SPATS2: variants seen among roughly 807,000 people sequenced by gnomAD.
The protein encoded by SPATS2 is spermatogenesis associated serine rich 2, also known as spermatogenesis-associated serine-rich protein 2.
SPATS2 carries 38 observed loss-of-function variants against 63.7 expected under a neutral mutation model. That is an observed-to-expected ratio of 0.60 (90% CI 0.46 to 0.78). SPATS2 has a LOEUF of 0.78. Ranked by LOEUF, SPATS2 falls within the 30% of genes least tolerant of loss-of-function variation. The pLI is 0.00. For missense variants in SPATS2, 588 were observed against 666.2 expected (o/e 0.88, Z 1.29); for synonymous variants, 207 against 232.9 (o/e 0.89, Z 1.01).
chr12:49,460,230 C>T (rs755147124), intron 2 of SPATS2, among the ~76,000 whole-genome samples: 47 of 152,238 alleles, frequency 3.1e-4, no homozygotes, highest in African/African-American at 3.6e-4. Flanking sequence ...CCAAAGCAGG[C>T]GGATCACGAG....
chr12:49,496,267 G>C (rs1946461629), intron 7 of SPATS2, among the ~76,000 whole-genome samples: 1 of 151,900 alleles, frequency 6.6e-6, no homozygotes, highest in African/African-American at 2.4e-5. Context: ...CTAGAGCGTT[G>C]TTGTTTGTTT....
At chr12:49,368,221 G>C (rs1480790841) in intron 1 of SPATS2, among the ~76,000 whole-genome samples, 2 of 152,150 alleles carry the variant, frequency 1.3e-5, no homozygotes, top group Non-Finnish European at 2.9e-5. Flanking sequence ...TTAGAAAGTG[G>C]ATCTTTCTCA....
intron 3 of SPATS2, among the ~76,000 whole-genome samples, chr12:49,465,697 A>G (rs1387533509): frequency 6.6e-6 from 1 of 152,178 alleles, no homozygotes; most frequent in Non-Finnish European, 1.5e-5. Flanking sequence ...TAATCCCAGC[A>G]CTTTGGGAGG....
At chr12:49,425,335 T>G (rs1273998555) in intron 2 of SPATS2, among the ~76,000 whole-genome samples, 1 of 152,198 alleles carries the variant, frequency 6.6e-6, no homozygotes, top group Non-Finnish European at 1.5e-5. Context: ...TATTGATGTA[T>G]TTACTTTTGT....
chr12:49,396,815 G>A (rs1056627203), intron 2 of SPATS2, among the ~76,000 whole-genome samples: 6 of 152,192 alleles, frequency 3.9e-5, no homozygotes, highest in African/African-American at 1.4e-4. Context: ...TACATGGCCT[G>A]TGGCCTAAAC....
intron 2 of SPATS2, among the ~76,000 whole-genome samples, chr12:49,459,211 C>T (rs759108196): frequency 2.0e-5 from 3 of 152,074 alleles, no homozygotes; most frequent in Non-Finnish European, 2.9e-5. Flanking sequence ...ATTGTAACCC[C>T]ATAGTACTCA....
intron 3 of SPATS2, among the ~76,000 whole-genome samples, chr12:49,467,051 T>TG (rs1565736513): frequency 3.1e-5 from 4 of 130,808 alleles, no homozygotes; most frequent in African/African-American, 5.8e-5. Context: ...TTTGTTTTTT[T>TG]TTTTTTTTTT....
intron 2 of SPATS2, among the ~76,000 whole-genome samples, chr12:49,437,012 A>T (rs1317274935): frequency 7.3e-6 from 1 of 137,886 alleles, no homozygotes; most frequent in Admixed American, 7.2e-5. Context: ...CGGGGGGCTG[A>T]CCCCCACCTC....
At chr12:49,499,746 C>A (rs1319432450) in intron 8 of SPATS2, among the ~76,000 whole-genome samples, 1 of 152,084 alleles carries the variant, frequency 6.6e-6, no homozygotes, top group Non-Finnish European at 1.5e-5. Flanking sequence ...AATCATAGGC[C>A]TCACTTCATT....
chr12:49,433,720 G>A (rs1945225911), intron 2 of SPATS2, among the ~76,000 whole-genome samples: 2 of 152,184 alleles, frequency 1.3e-5, no homozygotes, highest in Admixed American at 1.3e-4. Flanking sequence ...TATATGACTT[G>A]CAAGTATTTT....
Position 49,440,472 on chromosome 12 carries a change from A to ATT in SPATS2, c.-243-20283_-243-20282dup, listed in dbSNP as rs58209886. Among the ~76,000 whole-genome samples the ATT allele has an allele frequency of 4.6e-3, 650 of 140,404 alleles. 7 individuals are homozygous for ATT. Among genetic ancestry groups the ATT allele is most frequent in the African/African-American group, 0.013 (506 of 37,508 alleles). The allele number at this position is 140,404 out of a possible 152,430, so 92.1% of individuals were successfully genotyped here. A position where few individuals can be genotyped will look rare whatever the true frequency, so the allele number is the denominator to read the frequency against. On this transcript the variant is annotated intron_variant, in intron 2 of 13. Coordinates refer to ENST00000552918, the MANE Select transcript of SPATS2 (RefSeq NM_023071.4). The stretch of plus-strand genomic sequence containing the variant: ...TTTTTCGTTGAATTTCATGGCATTA[A>ATT]TTTTTTTTTTTTTTTTGAGATGGAG...
In SPATS2 at chr12:49,507,831, G is replaced by A. The variant is rs1005726819; in HGVS notation, c.840-6724G>A. On this transcript the variant is annotated intron_variant, in intron 9 of 13. Coordinates refer to ENST00000552918, the MANE Select transcript of SPATS2 (RefSeq NM_023071.4). ...AATCTGGAATGTATAATGATTTACC[G>A]GTTAATACGATTGCATTTTACTAAA... Among the ~76,000 whole-genome samples the A allele has an allele frequency of 4.6e-5, 7 of 152,050 alleles. No individual in the cohort carries two copies. In the East Asian group the frequency reaches 7.7e-4, roughly 17 times the overall value.
chr12:49,479,059 A>G (rs747342216), intron 3 of SPATS2, among the ~76,000 whole-genome samples: 70 of 152,202 alleles, frequency 4.6e-4, no homozygotes, highest in Non-Finnish European at 8.4e-4. Context: ...AGCTCTCAGC[A>G]GAGAAGGTGG....
chr12:49,454,742 G>C (rs1416103886), intron 2 of SPATS2, among the ~76,000 whole-genome samples: 1 of 152,022 alleles, frequency 6.6e-6, no homozygotes, highest in Non-Finnish European at 1.5e-5. Flanking sequence ...AATTAGCCAG[G>C]CATGGTGGTA....
intron 9 of SPATS2, among the ~76,000 whole-genome samples, chr12:49,500,908 T>G (rs1041392054): frequency 3.3e-5 from 5 of 152,232 alleles, no homozygotes; most frequent in African/African-American, 1.2e-4. Flanking sequence ...TCCTTTTTAA[T>G]TTATGCCACT....
intron 2 of SPATS2, among the ~76,000 whole-genome samples, chr12:49,379,769 C>T (rs1238477195): frequency 6.6e-6 from 1 of 151,398 alleles, no homozygotes; most frequent in Non-Finnish European, 1.5e-5. Context: ...ACTACAGGCA[C>T]ACGCCACCAC....
chr12:49,393,231 C>T (rs1463078534), intron 2 of SPATS2, among the ~76,000 whole-genome samples: 1 of 151,722 alleles, frequency 6.6e-6, no homozygotes, highest in Non-Finnish European at 1.5e-5. Context: ...AAAATTTTTT[C>T]CATTCTTAGT....
chr12:49,384,575 A>G (rs1177440785), intron 2 of SPATS2, among the ~76,000 whole-genome samples: 1 of 152,216 alleles, frequency 6.6e-6, no homozygotes, highest in Non-Finnish European at 1.5e-5. Context: ...AAAAGCATGC[A>G]TAAATGTTTT....
intron 2 of SPATS2, among the ~76,000 whole-genome samples, chr12:49,408,615 G>T (rs192802478): frequency 8.8e-5 from 11 of 124,340 alleles, no homozygotes; most frequent in Admixed American, 8.3e-4. Flanking sequence ...GAGTGCAGTG[G>T]TGCAATCTTG....
Sources: allele counts gnomAD v4.1 joint callset (sites outside exome capture counted in the v4.1 genomes callset), GRCh38; gene constraint gnomAD v4.1.1; transcripts MANE v1.5; gene names NCBI Gene and HGNC (gene_info 2026-07-23, HGNC 2026-07-21).